Variants in COL5A2 observed in about 807,000 individuals in gnomAD.
COL5A2 encodes collagen type V alpha 2 chain.
In COL5A2, 23 loss-of-function variants were observed where a neutral mutation model predicts 208.2. The ratio of observed to expected loss-of-function variants is 0.11; its 90% CI spans 0.08 to 0.16. COL5A2 has a LOEUF of 0.16. COL5A2 is among the 10% of genes least tolerant of loss of function. The pLI, the probability that COL5A2 is intolerant of heterozygous loss-of-function variation, is 1.00. For missense variants in COL5A2, 1,590 were observed against 1,956.4 expected (o/e 0.81, Z 3.53); for synonymous variants, 625 against 628.5 (o/e 0.99, Z 0.08).
chr2:189,100,852 T>C (rs1322693999), intron 3 of COL5A2, among the ~76,000 whole-genome samples: 2 of 151,998 alleles, frequency 1.3e-5, no homozygotes, highest in African/African-American at 2.4e-5. Flanking sequence ...GCAAATGTAA[T>C]AGATGTAGAT....
intron 8 of COL5A2, among the ~76,000 whole-genome samples, chr2:189,087,842 T>TAA (rs61206173): frequency 0.015 from 2,335 of 150,716 alleles, 23 homozygotes; most frequent in Non-Finnish European, 0.02. Flanking sequence ...AAGCTCCATT[T>TAA]AAAAAAAACC....
chr2:189,056,785 C>A, intron 35 of COL5A2, 188 bp downstream of exon 35: 1 of 649,644 alleles, frequency 1.5e-6, no homozygotes, highest in South Asian at 1.8e-5. Context: ...ATTTAAGTTT[C>A]ATTTAATTCA....
chr2:189,039,316 C>A lies in COL5A2; in HGVS notation c.3881G>T (p.Arg1294Leu), dbSNP rs150063612. 2 of 1,614,072 alleles carry A rather than the reference C, an allele frequency of 1.2e-6. No individual in the cohort carries two copies. Among genetic ancestry groups the A allele is most frequent in the East Asian group, 2.2e-5 (1 of 44,856 alleles). ...GCAAAGCTTTAGGTCATCACACGTGCGGGCTGGGTGCTTTTTCGAGCCATC... is the reference window on the plus strand; with the variant it reads ...GCAAAGCTTTAGGTCATCACACGTGAGGGCTGGGTGCTTTTTCGAGCCATC... ...SPDGSKKHPA[R>L]TCDDLKLCHS... The change falls in exon 51 of 54, where the codon CGC (arginine) becomes CTC (leucine). Residue 1294 changes from arginine (R) to leucine (L), a missense_variant. By Grantham distance (102) the Arg-to-Leu change is moderately radical. Transcript: ENST00000374866.
At chr2:189,336,922 G>T in the COL5A2 span, among the ~76,000 whole-genome samples, 1 of 152,188 alleles carries the variant, frequency 6.6e-6, no homozygotes, top group African/African-American at 2.4e-5. Flanking sequence ...AAGTTATCCA[G>T]ACTCCACTAA....
At chr2:189,440,272 T>C in the COL5A2 span, among the ~76,000 whole-genome samples, 3 of 152,214 alleles carry the variant, frequency 2.0e-5, no homozygotes, top group South Asian at 2.1e-4. Context: ...GGCTTAATGA[T>C]GGGGATATGT....
intron 16 of COL5A2, among the ~76,000 whole-genome samples, chr2:189,077,853 A>G (rs898111000): frequency 3.3e-5 from 5 of 152,180 alleles, no homozygotes; most frequent in Admixed American, 6.5e-5. Flanking sequence ...AATAGAGGAA[A>G]GGTGGCAGTC....
intron 1 of COL5A2, among the ~76,000 whole-genome samples, chr2:189,142,724 A>C (rs1266820249): frequency 6.6e-6 from 1 of 152,160 alleles, no homozygotes; most frequent in Non-Finnish European, 1.5e-5. Flanking sequence ...ATAGCTATCG[A>C]AACTTCTTCT....
intron 1 of COL5A2, among the ~76,000 whole-genome samples, chr2:189,175,572 C>T (rs1438109395): frequency 7.4e-6 from 1 of 134,622 alleles, no homozygotes; most frequent in Non-Finnish European, 1.6e-5. Flanking sequence ...TAGACAGAGT[C>T]TCACTCTGTC....
At chr2:189,192,126 C>T (rs1464953738) in intron 1 of COL5A2, among the ~76,000 whole-genome samples, 1 of 152,164 alleles carries the variant, frequency 6.6e-6, no homozygotes. Flanking sequence ...GTGGAAGATA[C>T]ACACAGGTAG....
intron 1 of COL5A2, among the ~76,000 whole-genome samples, chr2:189,190,455 G>A (rs555649660): frequency 2.0e-5 from 3 of 152,142 alleles, no homozygotes; most frequent in South Asian, 2.1e-4. Context: ...TAGAGCATTC[G>A]GCAATTTATC....
At chr2:189,400,844 G>A in the COL5A2 span, among the ~76,000 whole-genome samples, 1 of 152,060 alleles carries the variant, frequency 6.6e-6, no homozygotes, top group Admixed American at 6.5e-5. Context: ...ACGTGTAAAG[G>A]GGAAACATCA....
At position 189,057,175 on chromosome 2, in the gene COL5A2, A is replaced by G. The variant is rs947777287; in HGVS notation, c.2337+145T>C. ...GGTGCCTCACACTGTGCATTTTCTCAGTAAATGTTTATTAGAAGAATGAAA... is the reference window on the plus strand; with the variant it reads ...GGTGCCTCACACTGTGCATTTTCTCGGTAAATGTTTATTAGAAGAATGAAA... On this transcript the variant is annotated intron_variant, in intron 34 of 53. Transcript: ENST00000374866. 26 of 1,053,956 alleles carry G rather than the reference A, an allele frequency of 2.5e-5. No homozygotes were observed. The African/African-American group carries it at 4.0e-4, about 16-fold the overall frequency. The allele number at this position is 1,053,956 out of a possible 1,614,324, so 65.3% of individuals were successfully genotyped here. A position where few individuals can be genotyped will look rare whatever the true frequency, so the allele number is the denominator to read the frequency against.
intron 1 of COL5A2, among the ~76,000 whole-genome samples, chr2:189,121,450 C>T (rs950179076): frequency 2.0e-5 from 3 of 151,858 alleles, no homozygotes; most frequent in Non-Finnish European, 2.9e-5. Flanking sequence ...GGTAAAACAA[C>T]AGCACTCTTG....
chr2:189,061,493 C>T, intron 30 of COL5A2, 69 bp downstream of exon 30: 1 of 1,134,362 alleles, frequency 8.8e-7, no homozygotes, highest in Non-Finnish European at 1.3e-6. Flanking sequence ...CTGACCATAT[C>T]TTTTTTTTTA....
chr2:189,248,614 A>C, the COL5A2 span, among the ~76,000 whole-genome samples: 2 of 152,206 alleles, frequency 1.3e-5, no homozygotes, highest in African/African-American at 2.4e-5. Flanking sequence ...TATTGAAGAA[A>C]AAACTACAAA....
At chr2:189,358,803 A>C in the COL5A2 span, among the ~76,000 whole-genome samples, 1 of 151,878 alleles carries the variant, frequency 6.6e-6, no homozygotes, top group East Asian at 1.9e-4. Flanking sequence ...TCTTTGATTA[A>C]ATTTATTCCT....
At chr2:189,196,750 C>A (rs1689006446) in intron 1 of COL5A2, among the ~76,000 whole-genome samples, 1 of 151,940 alleles carries the variant, frequency 6.6e-6, no homozygotes, top group Non-Finnish European at 1.5e-5. Flanking sequence ...CAATGAGATA[C>A]CATCTCATGA....
At chr2:189,328,749 C>CA in the COL5A2 span, among the ~76,000 whole-genome samples, 1 of 152,122 alleles carries the variant, frequency 6.6e-6, no homozygotes, top group Non-Finnish European at 1.5e-5. Flanking sequence ...AATTGTTGGT[C>CA]ATCATGGAAG....
At chr2:189,157,736 G>C (rs989329495) in intron 1 of COL5A2, among the ~76,000 whole-genome samples, 1 of 151,884 alleles carries the variant, frequency 6.6e-6, no homozygotes, top group African/African-American at 2.4e-5. Context: ...AAACTTAAAG[G>C]CTTTGGTCAA....
Sources: gnomAD v4.1 joint callset for allele counts (sites outside exome capture counted in the v4.1 genomes callset) on GRCh38, gnomAD v4.1.1 for gene constraint, MANE v1.5 for transcripts, NCBI Gene and HGNC (gene_info 2026-07-23, HGNC 2026-07-21) for gene names.